The following PHF20 variants were observed in gnomAD, a reference collection of about 807,000 sequenced individuals.
The protein encoded by PHF20 is glioma-expressed antigen 2.
In PHF20, 23 loss-of-function variants were observed where a neutral mutation model predicts 113.5. The ratio of observed to expected loss-of-function variants is 0.20; its 90% confidence interval spans 0.15 to 0.29. The LOEUF is 0.29. PHF20 is among the 10% of genes least tolerant of loss of function. The pLI, the probability that PHF20 is intolerant of heterozygous loss-of-function variation, is 1.00. For missense variants in PHF20, 943 were observed against 1,219.6 expected, an observed-to-expected ratio of 0.77 and a Z score of 3.38; for synonymous variants, 434 against 457.3, an observed-to-expected ratio of 0.95 and a Z score of 0.65.
rs767451753 is a variant in PHF20 at position 35,938,834 on chromosome 20, A to G, written c.2438A>G (p.Asn813Ser). The G allele has an allele frequency of 6.2e-7, 1 of 1,614,136 alleles. No homozygotes were observed. The highest frequency in any genetic ancestry group is 8.5e-7 in the Non-Finnish European group (1 of 1,180,012). The change falls in exon 16 of 18, where the codon AAC (asparagine) becomes AGC (serine). Residue 813 changes from asparagine to serine, a missense_variant. By Grantham distance (46) the Asn-to-Ser change is conservative. Around this residue, in one of 3 missense-constraint regions of PHF20, gnomAD observed 349 missense variants for 412.3 expected, o/e 0.85. Transcript: ENST00000374012. ...KEEAPSYRTL[N>S]GAVEKPRPLA... ...GAAGCTCCAAGCTATAGAACTTTGAACGGGGCAGTGGAGAAGCCCAGGCCC... is the reference window on the plus strand; with the variant it reads ...GAAGCTCCAAGCTATAGAACTTTGAGCGGGGCAGTGGAGAAGCCCAGGCCC...
At chr20:35,881,462 A>G (rs1265265107) in intron 9 of PHF20, among the ~76,000 whole-genome samples, 1 of 149,710 alleles carries the variant, frequency 6.7e-6, no homozygotes, top group African/African-American at 2.5e-5. Flanking sequence ...AATTGCTTGA[A>G]CCCAGGAGGT....
intron 2 of PHF20, among the ~76,000 whole-genome samples, chr20:35,807,469 T>TGGGATTACAGATGCTA (rs1367174590): frequency 5.3e-5 from 8 of 150,156 alleles, no homozygotes; most frequent in African/African-American, 2.0e-4. Context: ...TCTCCCTGCC[T>TGGGATTACAGATGCTA]CAGACTCCCG....
chr20:35,815,892 C>T (rs920074140), intron 2 of PHF20, among the ~76,000 whole-genome samples: 2 of 152,132 alleles, frequency 1.3e-5, no homozygotes, highest in South Asian at 2.1e-4. Context: ...CAAGCAAAAT[C>T]GTTTTGGAAA....
At chr20:35,878,559 T>C in intron 9 of PHF20, 1 of 734,310 alleles carries the variant, frequency 1.4e-6, no homozygotes, top group Non-Finnish European at 2.5e-6. Flanking sequence ...CTTGTTGGAA[T>C]AGAAGGTTTT....
chr20:35,912,003 A>C (rs1285896247), intron 10 of PHF20, among the ~76,000 whole-genome samples: 2 of 135,914 alleles, frequency 1.5e-5, no homozygotes, highest in Admixed American at 7.7e-5. Flanking sequence ...TTTCTTTGAG[A>C]TGGAGTCTCG....
intron 2 of PHF20, among the ~76,000 whole-genome samples, chr20:35,805,942 A>C (rs1311127810): frequency 1.3e-5 from 2 of 151,412 alleles, no homozygotes; most frequent in Admixed American, 6.6e-5. Context: ...GCTCACTGCA[A>C]CCTCCACCTC....
intron 14 of PHF20, among the ~76,000 whole-genome samples, chr20:35,930,432 G>A (rs1359427774): frequency 6.6e-6 from 1 of 152,126 alleles, no homozygotes; most frequent in Non-Finnish European, 1.5e-5. Context: ...AGGCACTGAT[G>A]ATGCTCTCAA....
Position 35,947,759 on chromosome 20 carries a change from G to C in PHF20, c.*132G>C. ...CTGACTTCAGGGATCTGGGCCAGGA[G>C]TGTGGTGGACATTGGACAAAGAGGC... is the stretch of plus-strand genomic sequence containing the variant. On this transcript the variant is annotated 3_prime_UTR_variant, in exon 18 of 18. Transcript: ENST00000374012. 1 of 970,840 alleles carries C rather than the reference G, an allele frequency of 1.0e-6. No homozygotes were observed. The highest frequency in any genetic ancestry group is 1.5e-6 in the Non-Finnish European group (1 of 662,050). The allele number at this position is 970,840 out of a possible 1,614,324, so 60.1% of individuals were successfully genotyped here. A position where few individuals can be genotyped will look rare whatever the true frequency, so the allele number is the denominator to read the frequency against.
chr20:35,822,720 C>G (rs2042191009), intron 2 of PHF20, among the ~76,000 whole-genome samples: 1 of 151,464 alleles, frequency 6.6e-6, no homozygotes, highest in Non-Finnish European at 1.5e-5. Flanking sequence ...CACCTGTAGT[C>G]CTAGCTACTT....
intron 5 of PHF20, among the ~76,000 whole-genome samples, chr20:35,862,117 T>G (rs964934306): frequency 6.6e-6 from 1 of 152,142 alleles, no homozygotes; most frequent in Non-Finnish European, 1.5e-5. Context: ...AGGGAGAACA[T>G]AACTAAGAAG....
intron 9 of PHF20, among the ~76,000 whole-genome samples, chr20:35,872,587 C>T (rs945673350): frequency 1.3e-5 from 2 of 152,164 alleles, no homozygotes; most frequent in Admixed American, 6.5e-5. Context: ...GCATCCTACA[C>T]ATTTTGATAC....
intron 9 of PHF20, among the ~76,000 whole-genome samples, chr20:35,895,355 G>A (rs1056963170): frequency 2.0e-5 from 3 of 151,410 alleles, no homozygotes; most frequent in Admixed American, 6.6e-5. Context: ...ATGGGGTTTC[G>A]CCATGTTGGC....
At chr20:35,791,565 T>A (rs924052324) in intron 1 of PHF20, among the ~76,000 whole-genome samples, 4 of 136,246 alleles carry the variant, frequency 2.9e-5, no homozygotes, top group Admixed American at 7.3e-5. Context: ...ATATATATCT[T>A]AGAATTGTGT....
chr20:35,935,785 T>C (rs1327612809), intron 15 of PHF20, among the ~76,000 whole-genome samples: 2 of 152,242 alleles, frequency 1.3e-5, no homozygotes, highest in African/African-American at 4.8e-5. Flanking sequence ...ATCTTGGTAC[T>C]TCTTACAAAT....
intron 10 of PHF20, among the ~76,000 whole-genome samples, chr20:35,906,090 C>T (rs1013337929): frequency 6.6e-6 from 1 of 152,196 alleles, no homozygotes; most frequent in African/African-American, 2.4e-5. Context: ...AGGGCCTCTC[C>T]TGTGCTTATT....
intron 2 of PHF20, among the ~76,000 whole-genome samples, chr20:35,830,024 C>T (rs139840862): frequency 0.099 from 14,996 of 152,128 alleles, 766 homozygotes; most frequent in South Asian, 0.15. Flanking sequence ...AGCAGTTCTG[C>T]TGCCTCAGCC....
intron 17 of PHF20, among the ~76,000 whole-genome samples, chr20:35,946,651 TTTTTA>T (rs1157595006): frequency 3.1e-4 from 47 of 149,302 alleles, no homozygotes; most frequent in South Asian, 1.9e-3. Flanking sequence ...AGCTTTTTAT[TTTTTA>T]TTTTATTTTA....
At chr20:35,827,276 A>G (rs1481846978) in intron 2 of PHF20, among the ~76,000 whole-genome samples, 1 of 123,078 alleles carries the variant, frequency 8.1e-6, no homozygotes, top group Non-Finnish European at 1.8e-5. Context: ...TAATTTTCTG[A>G]TTCTTGAAGT....
chr20:35,830,631 G>A (rs1230317663), intron 2 of PHF20, among the ~76,000 whole-genome samples: 3 of 152,142 alleles, frequency 2.0e-5, no homozygotes. Flanking sequence ...ATACCCAGAA[G>A]TGGAATTGCT....
Sources: gnomAD v4.1 joint callset for allele counts (sites outside exome capture counted in the v4.1 genomes callset) on GRCh38, gnomAD v4.1.1 for gene constraint, gnomAD v4.1.1 regional missense constraint, MANE v1.5 for transcripts, NCBI Gene and HGNC (gene_info 2026-07-23, HGNC 2026-07-21) for gene names.